CACNA1D: variants seen among roughly 807,000 people sequenced by gnomAD.
CACNA1D encodes the protein calcium voltage-gated channel subunit alpha1 D.
CACNA1D carries 55 observed loss-of-function variants against 257.1 expected under a neutral mutation model. That is an observed-to-expected ratio of 0.21 (90% confidence interval 0.17 to 0.27). CACNA1D has a LOEUF of 0.27. CACNA1D is among the 10% of genes least tolerant of loss of function. CACNA1D has a pLI of 1.00. For missense variants in CACNA1D, 1,876 were observed against 2,784.0 expected (o/e 0.67, Z 7.34); for synonymous variants, 980 against 1,014.9 (o/e 0.97, Z 0.65).
At chr3:53,698,856 C>T (rs997939392) in intron 8 of CACNA1D, among the ~76,000 whole-genome samples, 12 of 149,002 alleles carry the variant, frequency 8.1e-5, no homozygotes, top group African/African-American at 3.0e-4. Context: ...TTTGATCAGA[C>T]ACACCATAAC....
intron 3 of CACNA1D, among the ~76,000 whole-genome samples, chr3:53,551,983 A>G (rs2092544538): frequency 6.6e-6 from 1 of 152,094 alleles, no homozygotes; most frequent in Non-Finnish European, 1.5e-5. Flanking sequence ...TGGTATTTTC[A>G]GTCTTGTCTT....
At chr3:53,612,244 A>C (rs1373142344) in intron 3 of CACNA1D, among the ~76,000 whole-genome samples, 1 of 152,136 alleles carries the variant, frequency 6.6e-6, no homozygotes, top group Non-Finnish European at 1.5e-5. Flanking sequence ...CTTTTTCATG[A>C]CAATTCTAGT....
intron 3 of CACNA1D, among the ~76,000 whole-genome samples, chr3:53,531,802 G>T (rs3774428): frequency 0.21 from 31,462 of 152,196 alleles, 3,296 homozygotes; most frequent in Middle Eastern, 0.24. Context: ...CCCATGACAA[G>T]ATTCCAGGCT....
intron 3 of CACNA1D, among the ~76,000 whole-genome samples, chr3:53,573,501 G>A (rs1559861171): frequency 2.0e-5 from 3 of 152,102 alleles, no homozygotes; most frequent in Admixed American, 2.0e-4. Context: ...TTTCAGTGAC[G>A]CTAGCTCTGG....
chr3:53,764,712 T>C (rs2095322967), intron 30 of CACNA1D, among the ~76,000 whole-genome samples: 1 of 152,170 alleles, frequency 6.6e-6, no homozygotes, highest in Non-Finnish European at 1.5e-5. Flanking sequence ...TGCTCATCAG[T>C]GTATCAGTGT....
intron 17 of CACNA1D, 22 bp downstream of exon 17, chr3:53,731,168 T>C: frequency 6.5e-7 from 1 of 1,529,176 alleles, no homozygotes; most frequent in Non-Finnish European, 9.1e-7. Flanking sequence ...AAGATGCTTC[T>C]CCCCTTTTTG....
intron 3 of CACNA1D, among the ~76,000 whole-genome samples, chr3:53,553,131 TTAAAG>T (rs2092568975): frequency 6.6e-6 from 1 of 152,248 alleles, no homozygotes; most frequent in South Asian, 2.1e-4. Context: ...AAAGGTTACT[TTAAAG>T]TAATGCTGTT....
chr3:53,700,849 C>CTTT lies in CACNA1D; in HGVS notation c.1221-1784_1221-1782dup, dbSNP rs10627760. On this transcript the variant is annotated intron_variant, in intron 8 of 47. Transcript: ENST00000350061. ...GAGAGGGATCCTTTCTTTTTCTTTT[C>CTTT]TTTTTTTTTTCCTTTCTTTCTTTCT... Among the ~76,000 whole-genome samples the CTTT allele has an allele frequency of 5.1e-3, 753 of 147,072 alleles. 7 individuals carry two copies. Among genetic ancestry groups the CTTT allele is most frequent in the African/African-American group, 0.016 (629 of 39,926 alleles).
chr3:53,548,916 G>A (rs1182621567), intron 3 of CACNA1D, among the ~76,000 whole-genome samples: 2 of 152,186 alleles, frequency 1.3e-5, no homozygotes, highest in Non-Finnish European at 2.9e-5. Flanking sequence ...TACAGGAAAT[G>A]AATTCAACAT....
chr3:53,509,595 G>C (rs759418260), intron 3 of CACNA1D, among the ~76,000 whole-genome samples: 1 of 152,146 alleles, frequency 6.6e-6, no homozygotes, highest in Non-Finnish European at 1.5e-5. Flanking sequence ...GAGGGAATCA[G>C]GGGCTGACCC....
chr3:53,718,239 G>C, intron 9 of CACNA1D, 62 bp from the exon 10 acceptor site: 1 of 1,440,230 alleles, frequency 6.9e-7, no homozygotes, highest in Non-Finnish European at 9.8e-7. Context: ...CTCCCACCTG[G>C]CCTGCCTCCC....
intron 3 of CACNA1D, among the ~76,000 whole-genome samples, chr3:53,560,546 C>G (rs1319885986): frequency 1.3e-5 from 2 of 152,128 alleles, no homozygotes; most frequent in Non-Finnish European, 2.9e-5. Flanking sequence ...AAAGCAGAGG[C>G]TGGCAAATGT....
chr3:53,796,868 A>AT (rs1004638054), intron 40 of CACNA1D, among the ~76,000 whole-genome samples: 1 of 152,184 alleles, frequency 6.6e-6, no homozygotes, highest in African/African-American at 2.4e-5. Context: ...TAATGTTTAT[A>AT]TTTTATAGCA....
At chr3:53,535,279 C>CCCGTCG (rs1419196236) in intron 3 of CACNA1D, among the ~76,000 whole-genome samples, 2 of 152,186 alleles carry the variant, frequency 1.3e-5, no homozygotes, top group African/African-American at 4.8e-5. Flanking sequence ...ATCACAGCCT[C>CCCGTCG]CCGTCGCCTG....
In CACNA1D at chr3:53,711,037, C is replaced by G. The variant is rs149450820; in HGVS notation, c.1391-7264C>G. ...CTTGAAGCCAGGAGTTTGAGACTAG[C>G]CTGGGCAACAAAGTGAGACCCTGTG... On this transcript the variant is annotated intron_variant, in intron 9 of 47. Transcript: ENST00000350061. Among the ~76,000 whole-genome samples, 820 of 152,226 alleles carry G rather than the reference C, an allele frequency of 5.4e-3. 6 individuals carry two copies. The highest frequency in any genetic ancestry group is 0.018 in the African/African-American group (747 of 41,526).
At chr3:53,675,843 C>G (rs2094370470) in intron 8 of CACNA1D, among the ~76,000 whole-genome samples, 1 of 152,116 alleles carries the variant, frequency 6.6e-6, no homozygotes, top group African/African-American at 2.4e-5. Context: ...AAAAGAAAAC[C>G]CGAGACTTCT....
intron 3 of CACNA1D, among the ~76,000 whole-genome samples, chr3:53,638,336 C>T (rs1282105993): frequency 6.6e-6 from 1 of 152,174 alleles, no homozygotes; most frequent in Non-Finnish European, 1.5e-5. Context: ...CAGGGCAGGG[C>T]CTCCTCCGGG....
chr3:53,513,250 G>A (rs2107264091), intron 3 of CACNA1D, among the ~76,000 whole-genome samples: 1 of 152,286 alleles, frequency 6.6e-6, no homozygotes, highest in Admixed American at 6.5e-5. Context: ...CAAAGTCGGT[G>A]GTCCCATAAG....
chr3:53,724,890 AG>A (rs1490730750), intron 14 of CACNA1D, among the ~76,000 whole-genome samples: 1 of 152,172 alleles, frequency 6.6e-6, no homozygotes, highest in Admixed American at 6.5e-5. Flanking sequence ...GGTCATTTTC[AG>A]GTATATATAA....
Sources: allele counts gnomAD v4.1 joint callset (sites outside exome capture counted in the v4.1 genomes callset), GRCh38; gene constraint gnomAD v4.1.1; transcripts MANE v1.5; gene names NCBI Gene and HGNC (gene_info 2026-07-23, HGNC 2026-07-21).